POF1B: variants seen among roughly 807,000 people sequenced by gnomAD.
POF1B encodes the protein POF1B actin binding protein.
In POF1B, 53 loss-of-function variants were observed where a neutral mutation model predicts 55.3. The observed-to-expected ratio is 0.96, with a 90% CI of 0.77 to 1.20. POF1B has a LOEUF of 1.20. Among genes scored for constraint, POF1B ranks in the 50% most tolerant of loss-of-function variants. The pLI is 0.00. For missense variants in POF1B, 478 were observed against 420.5 expected (o/e 1.14, Z -1.20); for synonymous variants, 188 against 148.3 (o/e 1.27, Z -1.95).
chrX:85,334,506 T>G (rs1431963452), intron 6 of POF1B, among the ~76,000 whole-genome samples: 3 of 111,466 alleles, frequency 2.7e-5, no homozygotes, highest in African/African-American at 9.7e-5. Context: ...GAAGTACGTT[T>G]AATCGGATCA....
intron 7 of POF1B, among the ~76,000 whole-genome samples, chrX:85,320,711 G>A (rs959930941): frequency 2.5e-4 from 28 of 110,783 alleles, no homozygotes; most frequent in Admixed American, 4.8e-4. Flanking sequence ...TAATAAAGAA[G>A]AAAAGAGAGA....
chrX:85,298,219 A>G (rs1932352012), intron 15 of POF1B, among the ~76,000 whole-genome samples: 1 of 112,361 alleles, frequency 8.9e-6, no homozygotes, highest in African/African-American at 3.2e-5. Flanking sequence ...CATGCAGAAC[A>G]GATGTGTCCA....
At chrX:85,342,032 T>G (rs1933182405) in intron 6 of POF1B, among the ~76,000 whole-genome samples, 1 of 111,388 alleles carries the variant, frequency 9.0e-6, no homozygotes, top group African/African-American at 3.3e-5. Flanking sequence ...ATGCCACCTA[T>G]ATGACAACTT....
intron 6 of POF1B, among the ~76,000 whole-genome samples, chrX:85,339,628 G>A (rs1279653466): frequency 9.0e-6 from 1 of 111,142 alleles, no homozygotes; most frequent in South Asian, 3.8e-4. Flanking sequence ...GCTAGAATCT[G>A]GTTTGCAGTG....
intron 15 of POF1B, among the ~76,000 whole-genome samples, chrX:85,283,578 A>T (rs967542283): frequency 1.8e-5 from 2 of 110,837 alleles, no homozygotes; most frequent in African/African-American, 6.5e-5. Flanking sequence ...GAAAATATCA[A>T]ATGTCCTCAT....
At chrX:85,319,001 C>A (rs748411614) in intron 7 of POF1B, among the ~76,000 whole-genome samples, 1 of 111,709 alleles carries the variant, frequency 9.0e-6, no homozygotes, top group African/African-American at 3.2e-5. Context: ...TATCCATTAG[C>A]ATGGGATGTT....
intron 11 of POF1B, 111 bp from the exon 12 acceptor site, chrX:85,306,444 T>G (rs943624237): frequency 1.3e-6 from 1 of 769,209 alleles, no homozygotes; most frequent in African/African-American, 2.1e-5. Context: ...CTATGCCCAG[T>G]TTTCTTATAC....
At chrX:85,300,302 G>C (rs1331100787) in intron 15 of POF1B, among the ~76,000 whole-genome samples, 1 of 111,708 alleles carries the variant, frequency 9.0e-6, no homozygotes, top group East Asian at 2.8e-4. Context: ...GCAGGAACTG[G>C]GGGCTAAGGA....
chrX:85,369,230 C>A (rs899866130), intron 2 of POF1B, among the ~76,000 whole-genome samples: 1 of 111,216 alleles, frequency 9.0e-6, no homozygotes, highest in Non-Finnish European at 1.9e-5. Context: ...CAGAGAATTA[C>A]AGATTATAGA....
intron 7 of POF1B, among the ~76,000 whole-genome samples, chrX:85,321,850 A>C (rs768406253): frequency 6.3e-4 from 68 of 108,518 alleles, no homozygotes; most frequent in South Asian, 1.2e-3. Flanking sequence ...ACAATTGCTT[A>C]AAAGAGAATA....
intron 6 of POF1B, among the ~76,000 whole-genome samples, chrX:85,340,042 A>G (rs1212011421): frequency 2.7e-5 from 3 of 111,076 alleles, no homozygotes; most frequent in African/African-American, 9.8e-5. Context: ...TTGTTAGTAG[A>G]AGGCAAGGCT....
intron 5 of POF1B, among the ~76,000 whole-genome samples, chrX:85,346,348 A>C (rs2147935025): frequency 9.1e-6 from 1 of 110,279 alleles, no homozygotes; most frequent in Non-Finnish European, 1.9e-5. Flanking sequence ...AATGAATATT[A>C]ATATTAATAT....
At chrX:85,333,717 A>G (rs1181091941) in intron 6 of POF1B, among the ~76,000 whole-genome samples, 3 of 111,033 alleles carry the variant, frequency 2.7e-5, no homozygotes. Flanking sequence ...TAATTGGAGC[A>G]ACTAAACTGA....
chrX:85,360,930 G>A (rs968186156), intron 3 of POF1B, among the ~76,000 whole-genome samples: 18 of 110,953 alleles, frequency 1.6e-4, no homozygotes, highest in African/African-American at 4.9e-4. Context: ...TGACTGTTAC[G>A]AGGTGGAATC....
chrX:85,349,354 GA>G (rs1348125387), intron 5 of POF1B, among the ~76,000 whole-genome samples: 3 of 111,024 alleles, frequency 2.7e-5, no homozygotes, highest in South Asian at 3.7e-4. Context: ...ATTTGCATAT[GA>G]AAAAAATGAT....
Position 85,323,159 on chromosome X carries a change from G to T in POF1B, c.855-7425C>A, listed in dbSNP as rs181855171. Among the ~76,000 whole-genome samples the T allele has an allele frequency of 9.8e-3, 1,094 of 111,338 alleles. 13 individuals are homozygous for T. Among genetic ancestry groups the T allele is most frequent in the South Asian group, 0.015 (39 of 2,610 alleles). On this transcript the variant is annotated intron_variant, in intron 7 of 16. Transcript: ENST00000262753. Reference sequence around the variant, plus strand: ...ACACATGCACACGTACATTTATTGCGGCACTATTCACAATAGCAAAGGCTT... The same window carrying T: ...ACACATGCACACGTACATTTATTGCTGCACTATTCACAATAGCAAAGGCTT...
At chrX:85,345,788 C>T in intron 6 of POF1B, 72 bp downstream of exon 6, 1 of 932,657 alleles carries the variant, frequency 1.1e-6, no homozygotes, top group Non-Finnish European at 1.4e-6. Flanking sequence ...AATGGGAGCA[C>T]CTGCATAGTG....
intron 15 of POF1B, among the ~76,000 whole-genome samples, chrX:85,288,557 G>GA (rs960419900): frequency 2.7e-5 from 3 of 111,330 alleles, no homozygotes; most frequent in African/African-American, 9.8e-5. Flanking sequence ...GCAGTGATAT[G>GA]GTTTGGCTGT....
intron 6 of POF1B, among the ~76,000 whole-genome samples, chrX:85,336,888 T>C (rs190828186): frequency 8.9e-6 from 1 of 111,880 alleles, no homozygotes; most frequent in Non-Finnish European, 1.9e-5. Flanking sequence ...ATGTCCTGAA[T>C]AGCTTCCTCA....
Sources: gnomAD v4.1 joint callset for allele counts (sites outside exome capture counted in the v4.1 genomes callset) on GRCh38, gnomAD v4.1.1 for gene constraint, MANE v1.5 for transcripts, NCBI Gene and HGNC (gene_info 2026-07-23, HGNC 2026-07-21) for gene names.